Variants in MSN observed in about 807,000 individuals in gnomAD.
The protein encoded by MSN is epididymis luminal protein 70.
A neutral mutation model predicts 48.0 loss-of-function variants in MSN; 2 were observed. The ratio of observed to expected loss-of-function variants is 0.04; its 90% confidence interval spans 0.02 to 0.13. MSN has a LOEUF of 0.13. MSN is among the 10% of genes least tolerant of loss of function. The pLI, the probability that MSN is intolerant of heterozygous loss-of-function variation, is 1.00. For synonymous variants in MSN, 146 were observed against 166.9 expected, an observed-to-expected ratio of 0.87 and a Z score of 0.97; for missense variants, 267 against 470.1, an observed-to-expected ratio of 0.57 and a Z score of 3.99.
chrX:65,739,621 A>G, intron 12 of MSN, 108 bp from the exon 13 acceptor site: 3 of 880,745 alleles, frequency 3.4e-6, no homozygotes, highest in Non-Finnish European at 4.7e-6. Flanking sequence ...ATAGAGAGAA[A>G]GGGTGAGGAA....
chrX:65,618,948 A>C (rs1342619915), intron 1 of MSN, among the ~76,000 whole-genome samples: 5 of 107,332 alleles, frequency 4.7e-5, no homozygotes, highest in Non-Finnish European at 9.6e-5. Context: ...AAAGTATTTT[A>C]TTTCTCCTTC....
At chrX:65,670,287 T>C (rs1179935953) in intron 1 of MSN, among the ~76,000 whole-genome samples, 1 of 112,307 alleles carries the variant, frequency 8.9e-6, no homozygotes, top group African/African-American at 3.2e-5. Context: ...CTTTAGGCTA[T>C]TTCTAGCGTG....
rs1181798944 is a variant in MSN at position 65,678,216 on chromosome X, T to TC, written c.12+10363_12+10364insC. 4.6e-3 allele frequency among the ~76,000 whole-genome samples: 510 copies of TC among 111,834 alleles called. 4 individuals are homozygous for TC. The highest frequency in any genetic ancestry group is 0.016 in the African/African-American group (489 of 30,757). ...ACCTCAACTAGTCCTCTGTTCTCCT[T>TC]TAGTACAGGGAATGCCTTCTTCAAG... is the stretch of plus-strand genomic sequence containing the variant. On this transcript the variant is annotated intron_variant, in intron 1 of 12. Transcript: ENST00000360270.
intron 1 of MSN, among the ~76,000 whole-genome samples, chrX:65,631,630 A>C (rs1027658592): frequency 9.0e-6 from 1 of 111,070 alleles, no homozygotes; most frequent in Non-Finnish European, 1.9e-5. Flanking sequence ...TTGTTTATCC[A>C]TTCACCCACT....
At position 65,740,227 on chromosome X, in the gene MSN, G is replaced by A. The variant is rs1035833536; in HGVS notation, c.*334G>A. On this transcript the variant is annotated 3_prime_UTR_variant, in exon 13 of 13. Transcript: ENST00000360270. ...TTACACTTACTGTTGTCCTATGGGA[G>A]TCAAGTGTGGAGTAGGTTGGAAGCT... is the stretch of plus-strand genomic sequence containing the variant. 27 of 213,539 alleles carry A rather than the reference G, an allele frequency of 1.3e-4. No homozygotes were observed. The highest frequency in any genetic ancestry group is 7.4e-4 in the African/African-American group (26 of 35,366). 17.6% of individuals were successfully genotyped at this position (213,539 alleles called of 1,213,427 possible).
chrX:65,717,797 C>T (rs1345925449), intron 2 of MSN, among the ~76,000 whole-genome samples: 2 of 111,714 alleles, frequency 1.8e-5, no homozygotes, highest in Non-Finnish European at 3.8e-5. Context: ...GCATATCACC[C>T]TGATGGATTC....
At chrX:65,620,569 G>A (rs924409802) in intron 1 of MSN, among the ~76,000 whole-genome samples, 12 of 112,892 alleles carry the variant, frequency 1.1e-4, no homozygotes, top group East Asian at 2.8e-4. Context: ...GCTTCGGGTC[G>A]CGCACGGTGC....
Position 65,740,459 on chromosome X carries a change from T to C in MSN, c.*566T>C, listed in dbSNP as rs780611354. 5.8e-6 allele frequency: 1 copy of C among 173,642 alleles called. No individual in the cohort carries two copies. Among genetic ancestry groups the C allele is most frequent in the South Asian group, 3.1e-4 (1 of 3,228 alleles). 14.3% of individuals were successfully genotyped at this position (173,642 alleles called of 1,213,427 possible). Reference sequence around the variant, plus strand: ...AAAAAGATGTTCAGTCATTTTTGTTTCTACCTCCCAGATCGGATCTGTTGC... The same window carrying C: ...AAAAAGATGTTCAGTCATTTTTGTTCCTACCTCCCAGATCGGATCTGTTGC... On this transcript the variant is annotated 3_prime_UTR_variant, in exon 13 of 13. Coordinates refer to ENST00000360270, the MANE Select transcript of MSN (RefSeq NM_002444.3).
chrX:65,665,509 A>G (rs768683291), upstream of MSN, among the ~76,000 whole-genome samples: 3 of 111,761 alleles, frequency 2.7e-5, no homozygotes, highest in East Asian at 5.6e-4. Context: ...ACATCAATGA[A>G]TCTTGTTAGC....
At chrX:65,736,955 A>G in intron 9 of MSN, 30 bp downstream of exon 9, 1 of 1,207,177 alleles carries the variant, frequency 8.3e-7, no homozygotes, top group South Asian at 1.8e-5. Context: ...TGGAGATTGG[A>G]TTTTTCCAGG....
At chrX:65,650,280 GT>G (rs1397075978) in intron 1 of MSN, among the ~76,000 whole-genome samples, 2 of 111,111 alleles carry the variant, frequency 1.8e-5, no homozygotes, top group Non-Finnish European at 3.8e-5. Context: ...TAGAGACAGG[GT>G]TTTGCCATGT....
intron 1 of MSN, among the ~76,000 whole-genome samples, chrX:65,603,517 G>A (rs1322085629): frequency 1.8e-5 from 2 of 111,615 alleles, no homozygotes; most frequent in Middle Eastern, 4.6e-3. Flanking sequence ...ATGAATCTAA[G>A]TAGTCTGACC....
chrX:65,606,357 G>A (rs1412348742), intron 1 of MSN, among the ~76,000 whole-genome samples: 1 of 109,129 alleles, frequency 9.2e-6, no homozygotes, highest in Non-Finnish European at 1.9e-5. Flanking sequence ...TTGATCTCCT[G>A]ACCTCGTGAT....
At chrX:65,699,736 G>A (rs1463275719) in intron 1 of MSN, among the ~76,000 whole-genome samples, 62 of 85,192 alleles carry the variant, frequency 7.3e-4, no homozygotes, top group African/African-American at 2.9e-3. Context: ...GCAACAGAGC[G>A]AGAATCTGTT....
intron 1 of MSN, among the ~76,000 whole-genome samples, chrX:65,651,349 T>G (rs1008993420): frequency 2.1e-5 from 2 of 96,930 alleles, no homozygotes; most frequent in Non-Finnish European, 4.2e-5. Flanking sequence ...AGAAAGAAAA[T>G]AAAATTAAGA....
intron 1 of MSN, among the ~76,000 whole-genome samples, chrX:65,623,368 C>CTT (rs773663630): frequency 0.011 from 851 of 74,118 alleles, 21 homozygotes; most frequent in African/African-American, 0.038. Context: ...TCTTTCTTTT[C>CTT]TTTTTTTTTT....
At chrX:65,706,552 A>G (rs1207572856) in intron 1 of MSN, among the ~76,000 whole-genome samples, 1 of 111,854 alleles carries the variant, frequency 8.9e-6, no homozygotes, top group Non-Finnish European at 1.9e-5. Context: ...AGACAAGGGG[A>G]CCTTCCCAAG....
intron 1 of MSN, among the ~76,000 whole-genome samples, chrX:65,608,286 G>A (rs1471933856): frequency 2.7e-5 from 3 of 111,781 alleles, no homozygotes. Context: ...GGAGGAGCAT[G>A]AGGCAGGGTG....
intron 1 of MSN, among the ~76,000 whole-genome samples, chrX:65,658,585 T>A (rs2070799078): frequency 1.8e-5 from 2 of 111,723 alleles, no homozygotes; most frequent in South Asian, 7.5e-4. Flanking sequence ...TCAGGGGGAT[T>A]CTTTTTGCAA....
Sources: gnomAD v4.1 joint callset for allele counts (sites outside exome capture counted in the v4.1 genomes callset) on GRCh38, gnomAD v4.1.1 for gene constraint, MANE v1.5 for transcripts, NCBI Gene and HGNC (gene_info 2026-07-23, HGNC 2026-07-21) for gene names.